SORL1: variants seen among roughly 807,000 people sequenced by gnomAD.
SORL1 encodes sortilin related receptor 1, also known as sortilin-related receptor.
In SORL1, 127 loss-of-function variants were observed where a neutral mutation model predicts 273.7. The ratio of observed to expected loss-of-function variants is 0.46; its 90% CI spans 0.40 to 0.54. SORL1 has a LOEUF of 0.54. Ranked by LOEUF, SORL1 falls within the 20% of genes least tolerant of loss-of-function variation. The pLI, the probability that SORL1 is intolerant of heterozygous loss-of-function variation, is 0.00. For missense variants in SORL1, 2,494 were observed against 2,846.1 expected (o/e 0.88, Z 2.81); for synonymous variants, 1,031 against 1,067.4 (o/e 0.97, Z 0.66).
At chr11:121,486,306 G>A (rs1861470863) in intron 3 of SORL1, among the ~76,000 whole-genome samples, 1 of 152,082 alleles carries the variant, frequency 6.6e-6, no homozygotes, top group East Asian at 1.9e-4. Context: ...TACATCATCT[G>A]TGCTTCCCAG....
intron 23 of SORL1, among the ~76,000 whole-genome samples, chr11:121,573,197 A>G (rs1000733070): frequency 2.0e-5 from 3 of 152,230 alleles, no homozygotes; most frequent in African/African-American, 7.2e-5. Context: ...TTTAGAGCCC[A>G]TTATATTTAC....
chr11:121,604,976 G>T, intron 33 of SORL1, 137 bp from the exon 34 acceptor site: 1 of 578,914 alleles, frequency 1.7e-6, no homozygotes, highest in Non-Finnish European at 3.0e-6. Context: ...TAGCCACATT[G>T]CCCAGGCCAG....
chr11:121,626,553 G>C (rs1276410318), intron 46 of SORL1: 1 of 152,142 alleles, frequency 6.6e-6, no homozygotes, highest in Non-Finnish European at 1.5e-5. Context: ...TTGTTCTCTG[G>C]CCCATCTTGA....
intron 8 of SORL1, among the ~76,000 whole-genome samples, chr11:121,514,530 G>C (rs1861923815): frequency 6.6e-6 from 1 of 151,986 alleles, no homozygotes; most frequent in Non-Finnish European, 1.5e-5. Context: ...AGCGCCCTAG[G>C]TGATTCTTAC....
At position 121,625,289 on chromosome 11, in the gene SORL1, T is replaced by C; in HGVS notation, c.6364+12T>C. On this transcript the variant is annotated intron_variant, in intron 46 of 47. Coordinates refer to ENST00000260197, the MANE Select transcript of SORL1 (RefSeq NM_003105.6). Reference sequence around the variant, plus strand: ...TGAGCTGGGGTCTGGTGAGTTGCGATTGCTGCCCGTTTCTGTCTTCAGTTC... The same window carrying C: ...TGAGCTGGGGTCTGGTGAGTTGCGACTGCTGCCCGTTTCTGTCTTCAGTTC... 1 of 1,598,690 alleles carries C rather than the reference T, an allele frequency of 6.3e-7. No homozygotes were observed. Among genetic ancestry groups the C allele is most frequent in the Non-Finnish European group, 8.5e-7 (1 of 1,170,426 alleles).
intron 11 of SORL1, among the ~76,000 whole-genome samples, chr11:121,526,842 ATG>A (rs1312638472): frequency 6.6e-6 from 1 of 152,144 alleles, no homozygotes; most frequent in Non-Finnish European, 1.5e-5. Flanking sequence ...TTTAGATTCT[ATG>A]TAAGCAATCA....
chr11:121,545,240 T>A lies in SORL1; in HGVS notation c.1865-3T>A. The A allele has an allele frequency of 6.2e-7, 1 of 1,613,838 alleles. No individual in the cohort carries two copies. The highest frequency in any genetic ancestry group is 2.2e-5 in the East Asian group (1 of 44,880). ...GCTTCGTGCTGTGTTCCTTTTTCTTTAGGAGTTCCCTGCACAGAGAATGAC... is the reference window on the plus strand; with the variant it reads ...GCTTCGTGCTGTGTTCCTTTTTCTTAAGGAGTTCCCTGCACAGAGAATGAC... On this transcript the variant is annotated splice_polypyrimidine_tract_variant and splice_region_variant and intron_variant, in intron 13 of 47. Transcript: ENST00000260197.
At chr11:121,543,455 C>A (rs1205723356) in intron 12 of SORL1, 93 bp from the exon 13 acceptor site, 2 of 1,009,552 alleles carry the variant, frequency 2.0e-6, no homozygotes, top group Non-Finnish European at 3.0e-6. Context: ...TCCAAGGAGC[C>A]CTGGTTCCTG....
intron 25 of SORL1, among the ~76,000 whole-genome samples, chr11:121,582,844 TG>T (rs1015511848): frequency 2.6e-5 from 4 of 152,212 alleles, no homozygotes; most frequent in Admixed American, 1.3e-4. Context: ...TTTTCACACT[TG>T]AAATTGGATT....
chr11:121,588,266 C>T (rs1240225350), intron 28 of SORL1, 115 bp downstream of exon 28: 36 of 1,267,014 alleles, frequency 2.8e-5, no homozygotes, highest in South Asian at 1.0e-4. Context: ...GGTTGAGTGT[C>T]GAGGGTTTGA....
chr11:121,625,408 A>G (rs1043387446), intron 46 of SORL1, 131 bp downstream of exon 46: 45 of 751,978 alleles, frequency 6.0e-5, no homozygotes, highest in Middle Eastern at 7.8e-4. Flanking sequence ...AATCATTTAT[A>G]TATCAGTTTG....
intron 14 of SORL1, among the ~76,000 whole-genome samples, chr11:121,547,758 C>G (rs986256672): frequency 6.6e-6 from 1 of 152,018 alleles, no homozygotes; most frequent in African/African-American, 2.4e-5. Flanking sequence ...TGGAAGGCAG[C>G]CAGCCCAACT....
chr11:121,558,597 G>A lies in SORL1; in HGVS notation c.2670G>A (p.Met890Ile), dbSNP rs983242044. The A allele has an allele frequency of 2.6e-5, 42 of 1,614,016 alleles. 1 individual carries two copies. The highest frequency in any genetic ancestry group is 3.4e-5 in the Non-Finnish European group (40 of 1,180,034). ...CTGTCCCCATTTTCGCTAGGGTGAT[G>A]TTCTGGACAGACTGGGGAGACCTGA... ...ALVLVPQEGV[M>I]FWTDWGDLKP... Residue 890 changes from methionine to isoleucine, a missense_variant, in exon 20 of 48, where the codon ATG (methionine) becomes ATA (isoleucine). Around this residue, in one of 3 missense-constraint regions of SORL1, gnomAD observed 1,609 missense variants for 1,816.4 expected, o/e 0.89. Transcript: ENST00000260197.
chr11:121,559,049 A>T (rs1490306812), intron 20 of SORL1, among the ~76,000 whole-genome samples: 6 of 152,214 alleles, frequency 3.9e-5, no homozygotes, highest in African/African-American at 1.4e-4. Flanking sequence ...ACATTTCAAA[A>T]GGTTAAAAGT....
In SORL1 at chr11:121,550,800, A is replaced by G; in HGVS notation, c.2266+130A>G. 2.9e-6 allele frequency: 2 copies of G among 684,440 alleles called. No individual in the cohort carries two copies. The highest frequency in any genetic ancestry group is 4.9e-6 in the Non-Finnish European group (2 of 407,366). The allele number at this position is 684,440 out of a possible 1,614,324, so 42.4% of individuals were successfully genotyped here. On this transcript the variant is annotated intron_variant, in intron 16 of 47. Transcript: ENST00000260197. This position sits in a 1 kb window ranked among gnomAD's most constrained non-coding sequence, Gnocchi z 5.3. Reference sequence around the variant, plus strand: ...AAACAATGGCCGTCACAAGCATCACAGGGCTTCCTCTTTTCCCTAAGGTTG... The same window carrying G: ...AAACAATGGCCGTCACAAGCATCACGGGGCTTCCTCTTTTCCCTAAGGTTG...
chr11:121,553,616 GA>G (rs1206740671), intron 16 of SORL1, among the ~76,000 whole-genome samples: 1 of 152,228 alleles, frequency 6.6e-6, no homozygotes, highest in Non-Finnish European at 1.5e-5. Flanking sequence ...TGGCAAGTGT[GA>G]CTTGAAGACT....
chr11:121,559,338 G>A (rs1202346629), intron 20 of SORL1, among the ~76,000 whole-genome samples, 181 bp from the exon 21 acceptor site: 1 of 152,122 alleles, frequency 6.6e-6, no homozygotes, highest in African/African-American at 2.4e-5. Context: ...TTCTTCTGTG[G>A]GGTTATATGG....
Position 121,583,535 on chromosome 11 carries a change from G to A in SORL1, c.3658G>A (p.Gly1220Arg), listed in dbSNP as rs765993346. Residue 1220 changes from glycine (G) to arginine (R), a missense_variant, in exon 26 of 48, where the codon GGG (glycine) becomes AGG (arginine). By Grantham distance (125) the Gly-to-Arg change is moderately radical. Transcript: ENST00000260197. ...HCIPQRWACD[G>R]DTDCQDGSDE... ...CATCCCCCAGCGGTGGGCGTGTGAC[G>A]GGGATACGGACTGCCAGGATGGTTC... is the stretch of plus-strand genomic sequence containing the variant. 8 of 1,612,422 alleles carry A rather than the reference G, an allele frequency of 5.0e-6. No homozygotes were observed. Among genetic ancestry groups the A allele is most frequent in the East Asian group, 2.2e-5 (1 of 44,648 alleles).
chr11:121,558,486 C>T, intron 19 of SORL1, 105 bp from the exon 20 acceptor site: 1 of 1,185,664 alleles, frequency 8.4e-7, no homozygotes, highest in Non-Finnish European at 1.2e-6. Flanking sequence ...CTGAAATAAC[C>T]AGCCGGATCA....
Sources: gnomAD v4.1 joint callset for allele counts (sites outside exome capture counted in the v4.1 genomes callset) on GRCh38, gnomAD v4.1.1 for gene constraint, gnomAD v4.1.1 regional missense constraint, Gnocchi (gnomAD v3.1) non-coding constraint, MANE v1.5 for transcripts, NCBI Gene and HGNC (gene_info 2026-07-23, HGNC 2026-07-21) for gene names.